The following GRK5 variants were observed in gnomAD, a reference collection of about 807,000 sequenced individuals.
GRK5 encodes g protein-coupled receptor kinase GRK5.
A neutral mutation model predicts 78.4 loss-of-function variants in GRK5; 40 were observed. The observed-to-expected ratio is 0.51, with a 90% CI of 0.40 to 0.66. The LOEUF is 0.66. GRK5 is among the 30% of genes least tolerant of loss of function. GRK5 has a pLI of 0.00. For missense variants in GRK5, 598 were observed against 759.9 expected, an observed-to-expected ratio of 0.79 and a Z score of 2.50; for synonymous variants, 289 against 296.8, an observed-to-expected ratio of 0.97 and a Z score of 0.27.
chr10:119,277,107 T>C (rs1849683469), intron 1 of GRK5, among the ~76,000 whole-genome samples: 1 of 152,192 alleles, frequency 6.6e-6, no homozygotes, highest in African/African-American at 2.4e-5. Context: ...TTAACCTCCA[T>C]GTCTTCAAGT....
At position 119,254,542 on chromosome 10, in the gene GRK5, T is replaced by C. The variant is rs889053802; in HGVS notation, c.52+46573T>C. On this transcript the variant is annotated intron_variant, in intron 1 of 15. Coordinates refer to ENST00000392870, the MANE Select transcript of GRK5 (RefSeq NM_005308.3). ...GCATGGGATTTGTAGCGGGTGTGGC[T>C]ATCTTATTTCTGGCCAGTATGGGGA... 3.3e-5 allele frequency among the ~76,000 whole-genome samples: 5 copies of C among 152,160 alleles called. No individual in the cohort carries two copies. The East Asian group carries it at 9.7e-4, about 29-fold the overall frequency.
chr10:119,434,891 C>T (rs920415212), intron 8 of GRK5, among the ~76,000 whole-genome samples: 4 of 152,240 alleles, frequency 2.6e-5, no homozygotes, highest in African/African-American at 9.6e-5. Flanking sequence ...CAAACTTCTA[C>T]CTGAGCATTC....
At chr10:119,432,595 C>G (rs1433885528) in intron 8 of GRK5, among the ~76,000 whole-genome samples, 1 of 152,228 alleles carries the variant, frequency 6.6e-6, no homozygotes, top group East Asian at 1.9e-4. Context: ...CTTTATTATT[C>G]TTAGCCAATG....
At chr10:119,428,542 A>T (rs1343466973) in intron 6 of GRK5, among the ~76,000 whole-genome samples, 1 of 152,046 alleles carries the variant, frequency 6.6e-6, no homozygotes, top group Non-Finnish European at 1.5e-5. Flanking sequence ...GCCTTGGGCC[A>T]CTCAGCAAGG....
intron 1 of GRK5, among the ~76,000 whole-genome samples, chr10:119,312,791 G>A (rs1342220519): frequency 1.3e-5 from 2 of 152,226 alleles, no homozygotes; most frequent in African/African-American, 4.8e-5. Context: ...GTGTGTGTAT[G>A]TAGGGCATAG....
intron 2 of GRK5, among the ~76,000 whole-genome samples, chr10:119,368,662 C>A (rs1731786046): frequency 6.6e-6 from 1 of 152,260 alleles, no homozygotes; most frequent in Non-Finnish European, 1.5e-5. Flanking sequence ...TCTCCTAGCC[C>A]CAGTCCCATG....
chr10:119,313,200 GTAA>G (rs1850419390), intron 1 of GRK5, among the ~76,000 whole-genome samples: 2 of 148,398 alleles, frequency 1.3e-5, no homozygotes, highest in Non-Finnish European at 3.0e-5. Context: ...GATGGTGGTG[GTAA>G]TGGTAGTGGT....
intron 2 of GRK5, among the ~76,000 whole-genome samples, chr10:119,331,831 T>C (rs1186730794): frequency 2.0e-5 from 3 of 152,260 alleles, no homozygotes; most frequent in African/African-American, 7.2e-5. Flanking sequence ...ATCATTCTCC[T>C]GCTGAAACCA....
At chr10:119,243,570 T>TTTTC (rs1554898020) in intron 1 of GRK5, among the ~76,000 whole-genome samples, 3 of 136,088 alleles carry the variant, frequency 2.2e-5, no homozygotes, top group Non-Finnish European at 3.2e-5. Context: ...GTTTTTCTTT[T>TTTTC]TTTTTTTTTT....
At chr10:119,313,631 G>A (rs1475812557) in intron 1 of GRK5, among the ~76,000 whole-genome samples, 2 of 152,110 alleles carry the variant, frequency 1.3e-5, no homozygotes, top group Admixed American at 1.3e-4. Context: ...GCAGCTGTCA[G>A]GGAGGGGAGG....
rs921613796 is a variant in GRK5 at position 119,455,257 on chromosome 10, C to T, written c.*190C>T. On this transcript the variant is annotated 3_prime_UTR_variant, in exon 16 of 16. Transcript: ENST00000392870. Reference sequence around the variant, plus strand: ...GAAATTTCCACTCAGGTCTGTTTTCCGAGGCGGCCCCGGCCGGGGTGGATT... The same window carrying T: ...GAAATTTCCACTCAGGTCTGTTTTCTGAGGCGGCCCCGGCCGGGGTGGATT... 6 of 702,046 alleles carry T rather than the reference C, an allele frequency of 8.5e-6. No individual in the cohort carries two copies. Among genetic ancestry groups the T allele is most frequent in the South Asian group, 1.5e-5 (1 of 66,818 alleles). The allele number at this position is 702,046 out of a possible 1,614,324, so 43.5% of individuals were successfully genotyped here.
intron 10 of GRK5, 91 bp downstream of exon 10, chr10:119,439,859 A>G: frequency 8.0e-7 from 1 of 1,256,954 alleles, no homozygotes; most frequent in Non-Finnish European, 1.2e-6. Flanking sequence ...GGGCTGGGGA[A>G]GCTGACCACG....
rs116122740 is a variant in GRK5 at position 119,396,138 on chromosome 10, G to C, written c.262-557G>C. ...TATGATGGGCCAGGCCCCAGGCCAA[G>C]AGCTTGATCACTTCCGTCTGTATAA... On this transcript the variant is annotated intron_variant, in intron 3 of 15. Coordinates refer to ENST00000392870, the MANE Select transcript of GRK5 (RefSeq NM_005308.3). Among the ~76,000 whole-genome samples the C allele has an allele frequency of 9.0e-3, 1,367 of 152,330 alleles. 25 individuals carry two copies. Among genetic ancestry groups the C allele is most frequent in the African/African-American group, 0.032 (1,317 of 41,572 alleles).
In GRK5 at chr10:119,385,200, G is replaced by T. The variant is rs1851774470; in HGVS notation, c.261+4273G>T. On this transcript the variant is annotated intron_variant, in intron 3 of 15. Transcript: ENST00000392870. ...AGAGAACTTTGACTTTGGGTGAAAT[G>T]GGGGAGCCACTGGAGGGTTTTTAGC... 2.6e-5 allele frequency among the ~76,000 whole-genome samples: 4 copies of T among 152,310 alleles called. No homozygotes were observed. The South Asian group carries it at 8.3e-4, about 32-fold the overall frequency.
intron 3 of GRK5, among the ~76,000 whole-genome samples, chr10:119,384,722 T>C (rs1851765080): frequency 6.6e-6 from 1 of 151,966 alleles, no homozygotes; most frequent in Non-Finnish European, 1.5e-5. Flanking sequence ...CCAGTGGAGG[T>C]TGGTGGCTTG....
intron 1 of GRK5, among the ~76,000 whole-genome samples, chr10:119,281,729 G>A (rs890803869): frequency 2.2e-4 from 34 of 152,196 alleles, no homozygotes; most frequent in African/African-American, 8.0e-4. Flanking sequence ...GTGCCCTTGA[G>A]CACTGCCATC....
chr10:119,207,807 C>T lies in GRK5; in HGVS notation c.-111C>T, dbSNP rs943215400. The T allele has an allele frequency of 1.7e-5, 18 of 1,044,264 alleles. No individual in the cohort carries two copies. Among genetic ancestry groups the T allele is most frequent in the Admixed American group, 2.7e-5 (1 of 37,248 alleles). The allele number at this position is 1,044,264 out of a possible 1,614,324, so 64.7% of individuals were successfully genotyped here. On this transcript the variant is annotated 5_prime_UTR_variant, in exon 1 of 16. Transcript: ENST00000392870. ...CGGTAGGCAAGGCGGGCTGCTGGCT[C>T]CCCCGGCTCCGGCAGCAGCGGCGGC...
chr10:119,216,105 GTGTT>G (rs1371804224), intron 1 of GRK5, among the ~76,000 whole-genome samples: 3 of 152,220 alleles, frequency 2.0e-5, no homozygotes, highest in East Asian at 3.8e-4. Context: ...TAGAAAGAAA[GTGTT>G]TGAAACAATA....
chr10:119,285,159 G>A (rs1016226818), intron 1 of GRK5, among the ~76,000 whole-genome samples: 3 of 152,160 alleles, frequency 2.0e-5, no homozygotes, highest in Non-Finnish European at 2.9e-5. Context: ...CACGTTGGCT[G>A]GCATCTCTAA....
Sources: allele counts gnomAD v4.1 joint callset (sites outside exome capture counted in the v4.1 genomes callset), GRCh38; gene constraint gnomAD v4.1.1; transcripts MANE v1.5; gene names NCBI Gene and HGNC (gene_info 2026-07-23, HGNC 2026-07-21).